CIMIP4: variants seen among roughly 807,000 people sequenced by gnomAD.
CIMIP4 encodes protein EAN57.
chr22:36,995,778 A>G, the CIMIP4 span, among the ~76,000 whole-genome samples: 21 of 152,152 alleles, frequency 1.4e-4, no homozygotes, highest in Non-Finnish European at 2.4e-4. Flanking sequence ...ACCTTCCACC[A>G]TGATGTGAGG....
At chr22:37,005,557 T>G in the CIMIP4 span, among the ~76,000 whole-genome samples, 1 of 151,772 alleles carries the variant, frequency 6.6e-6, no homozygotes, top group Non-Finnish European at 1.5e-5. Flanking sequence ...TAAACAGTTT[T>G]TTTTTTTTTT....
chr22:37,002,488 G>T, the CIMIP4 span, among the ~76,000 whole-genome samples: 6 of 152,124 alleles, frequency 3.9e-5, no homozygotes, highest in East Asian at 1.2e-3. Context: ...CAGAGGCATG[G>T]GTGGGAAATT....
the CIMIP4 span, among the ~76,000 whole-genome samples, chr22:36,997,326 C>A: frequency 3.9e-5 from 6 of 152,220 alleles, no homozygotes; most frequent in African/African-American, 1.4e-4. Flanking sequence ...TCAACCTGCT[C>A]CCCCTGGCAG....
chr22:37,003,735 G>A, the CIMIP4 span, among the ~76,000 whole-genome samples: 21 of 152,150 alleles, frequency 1.4e-4, no homozygotes, highest in Non-Finnish European at 8.8e-5. Flanking sequence ...AGACCATATC[G>A]GGGTGATAAT....
the CIMIP4 span, chr22:37,002,382 G>A: frequency 3.1e-4 from 64 of 203,728 alleles, 3 homozygotes; most frequent in East Asian, 9.5e-3. Flanking sequence ...TGGGGAGGGG[G>A]CAGAGATGGG....
chr22:37,000,020 G>A, the CIMIP4 span: 1 of 1,591,110 alleles, frequency 6.3e-7, no homozygotes, highest in Non-Finnish European at 8.6e-7. Flanking sequence ...ACAGGGGATG[G>A]AAAAGCAGTT....
the CIMIP4 span, among the ~76,000 whole-genome samples, chr22:37,006,586 C>T: frequency 6.6e-6 from 1 of 152,180 alleles, no homozygotes; most frequent in Non-Finnish European, 1.5e-5. Flanking sequence ...CTCAGCCACA[C>T]CTGGAGCTGA....
the CIMIP4 span, chr22:37,002,383 CAGAGATGGGGGTG>C: frequency 1.9e-6 from 1 of 531,238 alleles, no homozygotes. Flanking sequence ...GGGGAGGGGG[CAGAGATGGGGGTG>C]AGGAGGGGAA....
At chr22:37,002,960 G>C in the CIMIP4 span, among the ~76,000 whole-genome samples, 1 of 152,108 alleles carries the variant, frequency 6.6e-6, no homozygotes, top group South Asian at 2.1e-4. Flanking sequence ...CACAGCCTCC[G>C]CTTCTCTAGG....
chr22:37,001,944 G>A, the CIMIP4 span: 2 of 1,613,840 alleles, frequency 1.2e-6, no homozygotes, highest in East Asian at 2.2e-5. Context: ...CTCTGGTCCT[G>A]AGCCCCCAAG....
the CIMIP4 span, among the ~76,000 whole-genome samples, chr22:36,999,476 A>G: frequency 7.3e-6 from 1 of 137,370 alleles, no homozygotes; most frequent in Non-Finnish European, 1.6e-5. Context: ...AGCCTGGGCA[A>G]CAGAGTGAGA....
At chr22:37,007,338 G>A in the CIMIP4 span, 1 of 152,218 alleles carries the variant, frequency 6.6e-6, no homozygotes, top group Admixed American at 6.5e-5. Context: ...TTCTTTCACA[G>A]ATGGAGAAAA....
the CIMIP4 span, chr22:36,991,168 C>T: frequency 1.2e-6 from 2 of 1,612,012 alleles, no homozygotes; most frequent in Non-Finnish European, 1.7e-6. Flanking sequence ...GACACCTCTA[C>T]TGTGTCAAAA....
chr22:37,004,147 C>T, the CIMIP4 span: 19 of 861,554 alleles, frequency 2.2e-5, no homozygotes, highest in Non-Finnish European at 3.3e-5. Context: ...TCAGAGGTTC[C>T]TAAGCTGCCC....
the CIMIP4 span, among the ~76,000 whole-genome samples, chr22:36,992,221 C>T: frequency 2.0e-5 from 3 of 152,250 alleles, no homozygotes; most frequent in South Asian, 4.1e-4. Context: ...GTGGCGGGCT[C>T]CTGTAATCCC....
At chr22:36,991,679 C>T in the CIMIP4 span, 3 of 1,098,374 alleles carry the variant, frequency 2.7e-6, no homozygotes, top group Non-Finnish European at 1.4e-6. Context: ...GTTTCCTCTA[C>T]GGATGGTAAA....
chr22:37,002,356 G>T, the CIMIP4 span: 1 of 1,076,686 alleles, frequency 9.3e-7, no homozygotes, highest in South Asian at 3.9e-5. Context: ...CGCAGACAAG[G>T]GCAGAAAGTA....
At chr22:37,004,269 G>A in the CIMIP4 span, among the ~76,000 whole-genome samples, 1 of 151,994 alleles carries the variant, frequency 6.6e-6, no homozygotes, top group Admixed American at 6.6e-5. Context: ...TCTCTGAAAA[G>A]CCCTGGCCAC....
chr22:37,001,726 A>G, the CIMIP4 span: 2 of 1,138,092 alleles, frequency 1.8e-6, no homozygotes, highest in Non-Finnish European at 2.4e-6. Context: ...GATGCTCAGG[A>G]GATACTGCTT....
Sources: gnomAD v4.1 joint callset for allele counts (sites outside exome capture counted in the v4.1 genomes callset) on GRCh38, gnomAD v4.1.1 for gene constraint, MANE v1.5 for transcripts, NCBI Gene and HGNC (gene_info 2026-07-23, HGNC 2026-07-21) for gene names.